Variants in IGF1R observed in about 807,000 individuals in gnomAD.
IGF1R encodes the protein insulin like growth factor 1 receptor, also known as insulin-like growth factor 1 receptor.
A neutral mutation model predicts 144.6 loss-of-function variants in IGF1R; 44 were observed. That is an observed-to-expected ratio of 0.30 (90% CI 0.24 to 0.39). The LOEUF is 0.39. Ranked by LOEUF, IGF1R falls within the 10% of genes least tolerant of loss-of-function variation. The pLI is 1.00. For synonymous variants in IGF1R, 795 were observed against 722.8 expected, an observed-to-expected ratio of 1.10 and a Z score of -1.60; for missense variants, 1,355 against 1,833.7, an observed-to-expected ratio of 0.74 and a Z score of 4.77.
chr15:98,727,505 C>T (rs2054388825), intron 2 of IGF1R, among the ~76,000 whole-genome samples: 1 of 152,128 alleles, frequency 6.6e-6, no homozygotes, highest in African/African-American at 2.4e-5. Flanking sequence ...AAAGGTGCAC[C>T]CTGAAACTCT....
rs78344183 is a variant in IGF1R, at chr15:98,915,722, C to T, written c.1829-242C>T. Among the ~76,000 whole-genome samples, 9 of 152,310 alleles carry T rather than the reference C, an allele frequency of 5.9e-5. No individual in the cohort carries two copies. In the East Asian group the frequency reaches 1.5e-3, roughly 26 times the overall value. The stretch of plus-strand genomic sequence containing the variant: ...TGCCCCCGCAGCCTTTTTCCATTTA[C>T]AACTCAGTAATGTTTGTTTTCACAG... On this transcript the variant is annotated intron_variant, in intron 8 of 20. Coordinates refer to ENST00000650285, the MANE Select transcript of IGF1R (RefSeq NM_000875.5).
At position 98,887,876 on chromosome 15, in the gene IGF1R, A is replaced by T. The variant is rs182805400; in HGVS notation, c.641-3449A>T. ...GCGGCCAGGTAACCTTTCTGATACGAAGGTCTGGGCATGTTGTTCCCTTGC... is the reference window on the plus strand; with the variant it reads ...GCGGCCAGGTAACCTTTCTGATACGTAGGTCTGGGCATGTTGTTCCCTTGC... On this transcript the variant is annotated intron_variant, in intron 2 of 20. Transcript: ENST00000650285. Among the ~76,000 whole-genome samples the T allele has an allele frequency of 5.1e-4, 77 of 152,268 alleles. 1 individual carries two copies. Among genetic ancestry groups the T allele is most frequent in the Non-Finnish European group, 6.6e-4 (45 of 68,004 alleles).
intron 2 of IGF1R, among the ~76,000 whole-genome samples, chr15:98,750,991 A>G (rs1465208036): frequency 2.6e-5 from 4 of 151,934 alleles, no homozygotes; most frequent in African/African-American, 9.7e-5. Flanking sequence ...GGGTTTCATC[A>G]TGTTGCCCAG....
intron 2 of IGF1R, among the ~76,000 whole-genome samples, chr15:98,842,561 G>T (rs2011193474): frequency 6.6e-6 from 1 of 152,150 alleles, no homozygotes; most frequent in Non-Finnish European, 1.5e-5. Flanking sequence ...AACAATTTTT[G>T]AGGTTTTTCT....
chr15:98,730,691 T>C (rs1293898096), intron 2 of IGF1R, among the ~76,000 whole-genome samples: 10 of 152,378 alleles, frequency 6.6e-5, no homozygotes, highest in African/African-American at 2.2e-4. Context: ...ATGTGTTTCA[T>C]TGTTCATCTG....
intron 5 of IGF1R, among the ~76,000 whole-genome samples, chr15:98,902,291 T>G (rs1407994291): frequency 6.6e-6 from 1 of 152,138 alleles, no homozygotes; most frequent in East Asian, 1.9e-4. Context: ...CTTCATTTCT[T>G]CCCATGTGCA....
At chr15:98,805,188 C>T (rs542800201) in intron 2 of IGF1R, among the ~76,000 whole-genome samples, 34 of 152,258 alleles carry the variant, frequency 2.2e-4, no homozygotes, top group Admixed American at 1.7e-3. Context: ...GTCTTATATA[C>T]ATGCAGGTGC....
chr15:98,959,867 A>T lies in IGF1R; in HGVS notation c.*2425A>T. The T allele has an allele frequency of 4.3e-6, 1 of 231,808 alleles. No individual in the cohort carries two copies. Among genetic ancestry groups the T allele is most frequent in the Non-Finnish European group, 8.5e-6 (1 of 117,594 alleles). 14.4% of individuals were successfully genotyped at this position (231,808 alleles called of 1,614,324 possible). Reference sequence around the variant, plus strand: ...GCGTGTTCCCTTTAAAAAAAAAAAAAAGGTATTATATGTAGGAGTTTTCTT... The same window carrying T: ...GCGTGTTCCCTTTAAAAAAAAAAAATAGGTATTATATGTAGGAGTTTTCTT... On this transcript the variant is annotated 3_prime_UTR_variant, in exon 21 of 21. Transcript: ENST00000650285.
chr15:98,891,273 G>A lies in IGF1R; in HGVS notation c.641-52G>A. 2 of 1,563,976 alleles carry A rather than the reference G, an allele frequency of 1.3e-6. No homozygotes were observed. Among genetic ancestry groups the A allele is most frequent in the East Asian group, 4.5e-5 (2 of 44,122 alleles). On this transcript the variant is annotated intron_variant, in intron 2 of 20. Transcript: ENST00000650285. The surrounding 1 kb of genome is among the most constrained non-coding windows in gnomAD (Gnocchi z 4.7). Reference sequence around the variant, plus strand: ...AAGGATGCTGGCCAGGCCCAGAGAAGGCGGTGCCTCCCCTGCCCGGTCTCA... The same window carrying A: ...AAGGATGCTGGCCAGGCCCAGAGAAAGCGGTGCCTCCCCTGCCCGGTCTCA...
intron 2 of IGF1R, among the ~76,000 whole-genome samples, chr15:98,884,185 T>A (rs1383241342): frequency 2.6e-5 from 4 of 152,052 alleles, no homozygotes; most frequent in Non-Finnish European, 5.9e-5. Context: ...TGTGCTGTGA[T>A]CTCTCCTGGG....
At chr15:98,901,621 A>G (rs2014486078) in intron 5 of IGF1R, among the ~76,000 whole-genome samples, 1 of 152,240 alleles carries the variant, frequency 6.6e-6, no homozygotes, top group African/African-American at 2.4e-5. Flanking sequence ...AAAGAGAAGG[A>G]CAGGATACGA....
intron 2 of IGF1R, among the ~76,000 whole-genome samples, chr15:98,801,231 G>A (rs1196542636): frequency 6.6e-6 from 1 of 152,140 alleles, no homozygotes; most frequent in Non-Finnish European, 1.5e-5. Flanking sequence ...GGTGTGCTGG[G>A]GTCCACATGT....
intron 2 of IGF1R, among the ~76,000 whole-genome samples, chr15:98,818,986 T>TGG (rs1460678857): frequency 1.3e-5 from 2 of 151,134 alleles, no homozygotes; most frequent in Non-Finnish European, 3.0e-5. Context: ...GAACAGGGGG[T>TGG]GGAGGCTTCC....
At chr15:98,878,025 T>G (rs2013150454) in intron 2 of IGF1R, among the ~76,000 whole-genome samples, 1 of 152,232 alleles carries the variant, frequency 6.6e-6, no homozygotes, top group Non-Finnish European at 1.5e-5. Context: ...AGAAGTGACA[T>G]TTGCAGCCAC....
In IGF1R at chr15:98,962,998, T is replaced by TAGTC. The variant is rs1283008119; in HGVS notation, c.*5558_*5561dup. 4.3e-6 allele frequency: 1 copy of TAGTC among 233,614 alleles called. No homozygotes were observed. The highest frequency in any genetic ancestry group is 8.5e-6 in the Non-Finnish European group (1 of 118,050). The allele number at this position is 233,614 out of a possible 1,614,324, so 14.5% of individuals were successfully genotyped here. Reference sequence around the variant, plus strand: ...TCTTTCTGGTCAACATTGTTTTAACTAGTCACTCATTAGCGTTTTCAATAG... The same window carrying TAGTC: ...TCTTTCTGGTCAACATTGTTTTAACTAGTCAGTCACTCATTAGCGTTTTCAATAG... On this transcript the variant is annotated 3_prime_UTR_variant, in exon 21 of 21. Coordinates refer to ENST00000650285, the MANE Select transcript of IGF1R (RefSeq NM_000875.5).
chr15:98,728,203 G>C (rs951613037), intron 2 of IGF1R, among the ~76,000 whole-genome samples: 1 of 151,970 alleles, frequency 6.6e-6, no homozygotes, highest in Non-Finnish European at 1.5e-5. Context: ...ATTCAAGATG[G>C]GCTTCTTGGT....
At chr15:98,885,088 C>T (rs895566592) in intron 2 of IGF1R, among the ~76,000 whole-genome samples, 2 of 152,186 alleles carry the variant, frequency 1.3e-5, no homozygotes, top group Admixed American at 1.3e-4. Context: ...CCAGCTTTGG[C>T]CTGGAAGTCC....
At chr15:98,930,548 G>A (rs2015899911) in intron 15 of IGF1R, among the ~76,000 whole-genome samples, 2 of 152,146 alleles carry the variant, frequency 1.3e-5, no homozygotes, top group African/African-American at 2.4e-5. Context: ...ACAGGCTTTA[G>A]AGATGAATGT....
At chr15:98,730,602 A>G (rs985895404) in intron 2 of IGF1R, among the ~76,000 whole-genome samples, 1 of 152,218 alleles carries the variant, frequency 6.6e-6, no homozygotes, top group Non-Finnish European at 1.5e-5. Flanking sequence ...GAAGAGAGTC[A>G]CTTGTTTCCC....
Sources: gnomAD v4.1 joint callset for allele counts (sites outside exome capture counted in the v4.1 genomes callset) on GRCh38, gnomAD v4.1.1 for gene constraint, Gnocchi (gnomAD v3.1) non-coding constraint, MANE v1.5 for transcripts, NCBI Gene and HGNC (gene_info 2026-07-23, HGNC 2026-07-21) for gene names.